SH3PXD2A: variants seen among roughly 807,000 people sequenced by gnomAD.
SH3PXD2A encodes SH3 and PX domains 2A.
Under a neutral mutation model 115.2 loss-of-function variants are expected in SH3PXD2A, and 32 were observed. The ratio of observed to expected loss-of-function variants is 0.28; its 90% CI spans 0.21 to 0.37. The LOEUF is 0.37. Ranked by LOEUF, SH3PXD2A falls within the 10% of genes least tolerant of loss-of-function variation. The probability of loss-of-function intolerance (pLI) is 1.00; values close to 1 mark genes in which losing one functional copy is unlikely to be tolerated. For missense variants in SH3PXD2A, 1,328 were observed against 1,498.7 expected (o/e 0.89, Z 1.88); for synonymous variants, 610 against 629.1 (o/e 0.97, Z 0.45).
rs553090537 is a variant in SH3PXD2A at position 103,813,233 on chromosome 10, A to G, written c.73-11871T>C. Among the ~76,000 whole-genome samples the G allele has an allele frequency of 4.9e-4, 75 of 152,334 alleles. 1 individual carries two copies. Among genetic ancestry groups the G allele is most frequent in the Admixed American group, 9.8e-4 (15 of 15,308 alleles). On this transcript the variant is annotated intron_variant, in intron 1 of 14. Transcript: ENST00000369774. ...TGCACATTAAAAAGAAAAAAATACAACAAATTGATAATCATGGTTATTTGC... is the reference window on the plus strand; with the variant it reads ...TGCACATTAAAAAGAAAAAAATACAGCAAATTGATAATCATGGTTATTTGC...
chr10:103,684,131 G>A (rs1313946544), intron 6 of SH3PXD2A, among the ~76,000 whole-genome samples: 1 of 152,114 alleles, frequency 6.6e-6, no homozygotes, highest in East Asian at 1.9e-4. Context: ...TGCGGGGAAG[G>A]GAGGTACCAG....
At chr10:103,736,984 C>A (rs1432745526) in intron 3 of SH3PXD2A, 1 of 154,026 alleles carries the variant, frequency 6.5e-6, no homozygotes. Context: ...CAATGAGAGT[C>A]AGCCCTGAGA....
chr10:103,625,020 A>G (rs774201387), intron 9 of SH3PXD2A, among the ~76,000 whole-genome samples: 1 of 152,168 alleles, frequency 6.6e-6, no homozygotes, highest in Non-Finnish European at 1.5e-5. Flanking sequence ...GCACGCGCAC[A>G]CACACCCACA....
chr10:103,613,831 A>G (rs1442266615), intron 11 of SH3PXD2A, among the ~76,000 whole-genome samples: 1 of 152,252 alleles, frequency 6.6e-6, no homozygotes, highest in African/African-American at 2.4e-5. Context: ...TGGCTCCTCC[A>G]TGCCAGATGA....
intron 1 of SH3PXD2A, among the ~76,000 whole-genome samples, chr10:103,823,062 A>G (rs1454846041): frequency 6.6e-6 from 1 of 152,164 alleles, no homozygotes; most frequent in Admixed American, 6.5e-5. Flanking sequence ...ATGCAAACTG[A>G]CCCACCAATT....
chr10:103,617,344 T>C, intron 10 of SH3PXD2A, 30 bp from the exon 11 acceptor site: 1 of 1,524,062 alleles, frequency 6.6e-7, no homozygotes, highest in South Asian at 1.1e-5. Flanking sequence ...AGCAAGATTA[T>C]TTGAGGTCGG....
intron 4 of SH3PXD2A, among the ~76,000 whole-genome samples, chr10:103,733,141 G>C (rs2038342124): frequency 6.6e-6 from 1 of 151,518 alleles, no homozygotes; most frequent in African/African-American, 2.4e-5. Flanking sequence ...CCCATTCCTT[G>C]TCTGGCTCTG....
At chr10:103,840,117 G>C (rs2039582778) in intron 1 of SH3PXD2A, among the ~76,000 whole-genome samples, 1 of 152,248 alleles carries the variant, frequency 6.6e-6, no homozygotes, top group African/African-American at 2.4e-5. Flanking sequence ...TTATTTTGGG[G>C]CCAGGGAAGA....
intron 1 of SH3PXD2A, among the ~76,000 whole-genome samples, chr10:103,848,530 G>C (rs1475984932): frequency 6.6e-6 from 1 of 152,176 alleles, no homozygotes; most frequent in African/African-American, 2.4e-5. Flanking sequence ...TCCCTCTGCT[G>C]CCATCGGAGC....
chr10:103,635,308 G>A (rs1466694559), intron 8 of SH3PXD2A, among the ~76,000 whole-genome samples: 2 of 152,218 alleles, frequency 1.3e-5, no homozygotes, highest in Non-Finnish European at 2.9e-5. Context: ...TTTGGGAGGT[G>A]GGGCAGGGAG....
chr10:103,617,410 C>T (rs1372123187), intron 10 of SH3PXD2A, 96 bp from the exon 11 acceptor site: 10 of 857,536 alleles, frequency 1.2e-5, no homozygotes, highest in African/African-American at 9.9e-5. Flanking sequence ...TTTTGCTCAA[C>T]TGCTTGCCAA....
At chr10:103,680,277 C>T (rs1008179977) in intron 6 of SH3PXD2A, among the ~76,000 whole-genome samples, 7 of 151,166 alleles carry the variant, frequency 4.6e-5, no homozygotes, top group African/African-American at 1.7e-4. Context: ...CCACACCCGG[C>T]CTGCCTTCTT....
At chr10:103,701,409 C>A (rs1441565316) in intron 5 of SH3PXD2A, among the ~76,000 whole-genome samples, 1 of 143,570 alleles carries the variant, frequency 7.0e-6, no homozygotes, top group Non-Finnish European at 1.5e-5. Context: ...CATCCATCCA[C>A]CATCCATCCA....
chr10:103,711,478 ACTGAGATGAACACCCTCCCCCTTC>A (rs2038045964), intron 5 of SH3PXD2A, among the ~76,000 whole-genome samples: 1 of 152,228 alleles, frequency 6.6e-6, no homozygotes, highest in Non-Finnish European at 1.5e-5. Flanking sequence ...GAACGTGCCC[ACTGAGATGAACACCCTCCCCCTTC>A]ACCCTGGGCG....
At chr10:103,817,703 T>C (rs1338497270) in intron 1 of SH3PXD2A, among the ~76,000 whole-genome samples, 1 of 152,258 alleles carries the variant, frequency 6.6e-6, no homozygotes, top group East Asian at 1.9e-4. Context: ...TTTGGTTTTC[T>C]GTTCCTGTGT....
At chr10:103,807,695 C>T (rs888184904) in intron 1 of SH3PXD2A, among the ~76,000 whole-genome samples, 1 of 152,164 alleles carries the variant, frequency 6.6e-6, no homozygotes, top group East Asian at 1.9e-4. Flanking sequence ...CTCCTTGTTC[C>T]CCTGGGTGGG....
intron 3 of SH3PXD2A, among the ~76,000 whole-genome samples, chr10:103,750,783 C>CTT (rs56018229): frequency 0.11 from 16,010 of 152,022 alleles, 958 homozygotes; most frequent in Non-Finnish European, 0.12. Flanking sequence ...GGGGCACGGG[C>CTT]TTTTTTTGTT....
intron 8 of SH3PXD2A, among the ~76,000 whole-genome samples, chr10:103,644,516 G>T (rs1486044824): frequency 6.7e-6 from 1 of 148,862 alleles, no homozygotes; most frequent in Non-Finnish European, 1.5e-5. Context: ...AGCCCAGGAG[G>T]TCATAGCTGC....
At chr10:103,732,930 G>A (rs957958166) in intron 4 of SH3PXD2A, among the ~76,000 whole-genome samples, 3 of 152,206 alleles carry the variant, frequency 2.0e-5, no homozygotes, top group Admixed American at 6.5e-5. Flanking sequence ...GCTGTGAAAT[G>A]CATAGCTAGG....
Sources: gnomAD v4.1 joint callset for allele counts (sites outside exome capture counted in the v4.1 genomes callset) on GRCh38, gnomAD v4.1.1 for gene constraint, MANE v1.5 for transcripts, NCBI Gene and HGNC (gene_info 2026-07-23, HGNC 2026-07-21) for gene names.